The following KIAA1549L variants were observed in gnomAD, a reference collection of about 807,000 sequenced individuals.
KIAA1549L encodes KIAA1549 like, also known as UPF0606 protein KIAA1549L.
In KIAA1549L, 88 loss-of-function variants were observed where a neutral mutation model predicts 160.7. The observed-to-expected ratio is 0.55, with a 90% confidence interval of 0.46 to 0.65. The LOEUF is 0.65. Among genes scored for constraint, KIAA1549L ranks in the 30% least tolerant of loss-of-function variants. KIAA1549L has a pLI of 0.00. For synonymous variants in KIAA1549L, 950 were observed against 976.7 expected, an observed-to-expected ratio of 0.97 and a Z score of 0.51; for missense variants, 2,258 against 2,437.5, an observed-to-expected ratio of 0.93 and a Z score of 1.55.
chr11:33,483,623 A>G (rs1339507995), intron 1 of KIAA1549L, among the ~76,000 whole-genome samples: 1 of 152,128 alleles, frequency 6.6e-6, no homozygotes, highest in African/African-American at 2.4e-5. Flanking sequence ...TGTGGCTCCC[A>G]TAGTTCTCAT....
intron 12 of KIAA1549L, among the ~76,000 whole-genome samples, chr11:33,598,118 G>A (rs1302615361): frequency 6.6e-6 from 1 of 151,860 alleles, no homozygotes; most frequent in Non-Finnish European, 1.5e-5. Context: ...TTTCCTGAAT[G>A]AACAAATAGC....
At chr11:33,388,753 A>C (rs1358747667) in intron 1 of KIAA1549L, among the ~76,000 whole-genome samples, 2 of 152,240 alleles carry the variant, frequency 1.3e-5, no homozygotes, top group East Asian at 3.8e-4. Flanking sequence ...ATTCAAACCT[A>C]GAGTTAAAAT....
At chr11:33,455,856 C>A (rs1016273892) in intron 1 of KIAA1549L, among the ~76,000 whole-genome samples, 6 of 152,272 alleles carry the variant, frequency 3.9e-5, no homozygotes, top group Admixed American at 1.3e-4. Context: ...CAAAAAATTT[C>A]AACCAGGTTT....
chr11:33,582,585 TAG>T (rs748240761), intron 10 of KIAA1549L, among the ~76,000 whole-genome samples: 11 of 152,332 alleles, frequency 7.2e-5, no homozygotes, highest in Non-Finnish European at 1.3e-4. Context: ...AAGTAAATCA[TAG>T]GATGAGCTTT....
At position 33,542,998 on chromosome 11, in the gene KIAA1549L, C is replaced by T. The variant is rs1294784457; in HGVS notation, c.1435C>T (p.Leu479=). ...SLVPSLHITT[L]GQEQAILSGA... is the part of the protein sequence containing the mutation. ...GGTGCCTTCTCTGCATATCACCACA[C>T]TGGGTCAAGAGCAAGCCATCCTTTC... Residue 479 remains leucine, a synonymous_variant, in exon 2 of 21, where the codon CTG becomes TTG. Transcript: ENST00000658780. 2 of 1,614,014 alleles carry T rather than the reference C, an allele frequency of 1.2e-6. No homozygotes were observed. Among genetic ancestry groups the T allele is most frequent in the South Asian group, 1.1e-5 (1 of 91,088 alleles).
intron 1 of KIAA1549L, among the ~76,000 whole-genome samples, chr11:33,496,075 T>G (rs1270122823): frequency 6.6e-6 from 1 of 152,198 alleles, no homozygotes; most frequent in Non-Finnish European, 1.5e-5. Flanking sequence ...CAGTTATCCC[T>G]GCCTCAGCCT....
intron 1 of KIAA1549L, among the ~76,000 whole-genome samples, chr11:33,510,475 C>T (rs1853202553): frequency 6.6e-6 from 1 of 152,186 alleles, no homozygotes; most frequent in Admixed American, 6.5e-5. Flanking sequence ...ATGTGAGCCA[C>T]TGTGCATGGC....
At chr11:33,528,862 C>T (rs1031519863) in intron 1 of KIAA1549L, among the ~76,000 whole-genome samples, 1 of 152,186 alleles carries the variant, frequency 6.6e-6, no homozygotes, top group Non-Finnish European at 1.5e-5. Context: ...AAAGACTACA[C>T]GTTGGGTACA....
At chr11:33,432,711 G>A (rs1169694632) in intron 1 of KIAA1549L, among the ~76,000 whole-genome samples, 1 of 152,164 alleles carries the variant, frequency 6.6e-6, no homozygotes, top group Non-Finnish European at 1.5e-5. Context: ...AACCAAAACA[G>A]CATGGTACTG....
In KIAA1549L at chr11:33,658,907, G is replaced by C. The variant is rs1449685645; in HGVS notation, c.6007+9G>C. On this transcript the variant is annotated intron_variant, in intron 19 of 20. Coordinates refer to ENST00000658780, the MANE Select transcript of KIAA1549L (RefSeq NM_012194.3). The stretch of plus-strand genomic sequence containing the variant: ...GGCTTTAAATTACTCAGGTGGGCAA[G>C]AGAAAAGCCCGAGTGTGCCCCCCAC... 3 of 1,542,564 alleles carry C rather than the reference G, an allele frequency of 1.9e-6. No individual in the cohort carries two copies. In the Admixed American group the frequency reaches 5.9e-5, roughly 30 times the overall value.
rs1399745878 is a variant in KIAA1549L at position 33,670,990 on chromosome 11, A to T, written c.*2836A>T. Reference sequence around the variant, plus strand: ...TTTCTTTAGCTGTGCCTAGAGGTTTAAAAAAAAGATAAGGGTCATATGAAG... The same window carrying T: ...TTTCTTTAGCTGTGCCTAGAGGTTTTAAAAAAAGATAAGGGTCATATGAAG... On this transcript the variant is annotated 3_prime_UTR_variant, in exon 21 of 21. Coordinates refer to ENST00000658780, the MANE Select transcript of KIAA1549L (RefSeq NM_012194.3). 1.3e-5 allele frequency: 2 copies of T among 152,120 alleles called. No individual in the cohort carries two copies. Among genetic ancestry groups the T allele is most frequent in the Non-Finnish European group, 2.9e-5 (2 of 68,024 alleles). The allele number at this position is 152,120 out of a possible 1,614,324, so 9.4% of individuals were successfully genotyped here.
At chr11:33,570,006 CTTTT>C (rs34297267) in intron 9 of KIAA1549L, among the ~76,000 whole-genome samples, 1 of 134,578 alleles carries the variant, frequency 7.4e-6, no homozygotes, top group Non-Finnish European at 1.6e-5. Context: ...CTCTCTCTCT[CTTTT>C]TTTTTTTTTT....
chr11:33,578,269 T>C (rs893581756), intron 10 of KIAA1549L, among the ~76,000 whole-genome samples: 15 of 152,140 alleles, frequency 9.9e-5, no homozygotes, highest in African/African-American at 3.6e-4. Flanking sequence ...AGGTGAGGGA[T>C]GGCCCCGGAG....
intron 16 of KIAA1549L, among the ~76,000 whole-genome samples, chr11:33,630,450 C>T (rs1472840519): frequency 1.3e-5 from 2 of 152,268 alleles, no homozygotes; most frequent in Non-Finnish European, 2.9e-5. Context: ...GGCGTAGGCC[C>T]CTCCGAGCCA....
intron 13 of KIAA1549L, among the ~76,000 whole-genome samples, chr11:33,601,257 T>A (rs1365103574): frequency 1.3e-5 from 2 of 152,180 alleles, no homozygotes; most frequent in Non-Finnish European, 1.5e-5. Flanking sequence ...AGGTTTCTAT[T>A]CCGTAAGGTT....
chr11:33,400,102 C>G (rs959155394), intron 1 of KIAA1549L, among the ~76,000 whole-genome samples: 2 of 152,158 alleles, frequency 1.3e-5, no homozygotes, highest in Admixed American at 1.3e-4. Flanking sequence ...CTAGAACAGT[C>G]TTGTTAGCTT....
Position 33,545,108 on chromosome 11 carries a change from A to C in KIAA1549L, c.3115A>C (p.Thr1039Pro). The change falls in exon 3 of 21, where the codon ACT (threonine) becomes CCT (proline). Residue 1039 changes from threonine (T) to proline (P), a missense_variant. Physicochemically the swap from Thr to Pro is conservative, Grantham distance 38. Around this residue, in one of 6 missense-constraint regions of KIAA1549L, gnomAD observed 1,359 missense variants for 1,546.6 expected, o/e 0.88. Coordinates refer to ENST00000658780, the MANE Select transcript of KIAA1549L (RefSeq NM_012194.3). ...MDTASGLLST[T>P]YLPRKPQAMH... ...CACTGCCTCTGGCCTGTTGTCTACA[A>C]CTTACCTCCCCAGGAAACCACAAGC... is the stretch of plus-strand genomic sequence containing the variant. The C allele has an allele frequency of 6.2e-7, 1 of 1,614,040 alleles. No individual in the cohort carries two copies. Among genetic ancestry groups the C allele is most frequent in the South Asian group, 1.1e-5 (1 of 91,088 alleles).
intron 1 of KIAA1549L, among the ~76,000 whole-genome samples, chr11:33,459,832 GC>G (rs1469416140): frequency 1.3e-5 from 2 of 149,226 alleles, no homozygotes; most frequent in Non-Finnish European, 3.0e-5. Context: ...GTAGTGGCGG[GC>G]GCCTGTAGTC....
intron 1 of KIAA1549L, among the ~76,000 whole-genome samples, chr11:33,378,341 C>T (rs1427067682): frequency 3.3e-5 from 5 of 152,164 alleles, no homozygotes; most frequent in East Asian, 1.9e-4. Flanking sequence ...GTGATTTCCT[C>T]GGATCAGTTT....
Sources: gnomAD v4.1 joint callset for allele counts (sites outside exome capture counted in the v4.1 genomes callset) on GRCh38, gnomAD v4.1.1 for gene constraint, gnomAD v4.1.1 regional missense constraint, MANE v1.5 for transcripts, NCBI Gene and HGNC (gene_info 2026-07-23, HGNC 2026-07-21) for gene names.